The following MYO7B variants were observed in gnomAD, a reference collection of about 807,000 sequenced individuals.
MYO7B encodes myosin VIIB.
MYO7B carries 212 observed loss-of-function variants against 259.7 expected under a neutral mutation model. That is an observed-to-expected ratio of 0.82 (90% CI 0.73 to 0.91). MYO7B has a LOEUF of 0.91. Ranked by LOEUF, MYO7B falls within the 40% of genes least tolerant of loss-of-function variation. The pLI, the probability that MYO7B is intolerant of heterozygous loss-of-function variation, is 0.00. For synonymous variants in MYO7B, 1,197 were observed against 1,166.4 expected (o/e 1.03, Z -0.54); for missense variants, 2,732 against 2,813.5 (o/e 0.97, Z 0.66).
At chr2:127,564,467 T>A (rs1678246649) in intron 3 of MYO7B, among the ~76,000 whole-genome samples, 1 of 147,974 alleles carries the variant, frequency 6.8e-6, no homozygotes, top group East Asian at 2.0e-4. Flanking sequence ...AAGAAGGAAG[T>A]GGGAAGTGGG....
intron 19 of MYO7B, among the ~76,000 whole-genome samples, chr2:127,605,118 T>G (rs989981585): frequency 3.9e-5 from 6 of 152,258 alleles, no homozygotes; most frequent in Non-Finnish European, 8.8e-5. Flanking sequence ...CTATATGCAC[T>G]GAGCTTGCCT....
intron 9 of MYO7B, among the ~76,000 whole-genome samples, chr2:127,578,578 A>G (rs1253622660): frequency 6.6e-6 from 1 of 152,286 alleles, no homozygotes; most frequent in Admixed American, 6.5e-5. Flanking sequence ...AAACAAATCC[A>G]CGTGTGAACT....
At chr2:127,556,974 T>C (rs1239378348) in intron 1 of MYO7B, among the ~76,000 whole-genome samples, 1 of 152,218 alleles carries the variant, frequency 6.6e-6, no homozygotes, top group Non-Finnish European at 1.5e-5. Context: ...CCCCAAAAAA[T>C]GTGTTCCAAA....
Position 127,637,377 on chromosome 2 carries a change from A to T in MYO7B, c.6389A>T (p.Lys2130Met). The change falls in exon 48 of 48, where the codon AAG becomes ATG. Residue 2130 changes from lysine to methionine, a missense_variant. Lys to Met is a moderately conservative substitution (Grantham distance 95, BLOSUM62 -1). Around this residue, in one of 3 missense-constraint regions of MYO7B, gnomAD observed 821 missense variants for 769.3 expected, o/e 1.07. Transcript: ENST00000409816. ...YVQQLLSAMNKQRGSKAPALA... is the reference protein window; with the variant it reads ...YVQQLLSAMNMQRGSKAPALA... ...CAGCAGCTCCTGAGTGCCATGAACA[A>T]GCAGCGGGGCTCCAAGGCCCCAGCC... 5 of 1,583,394 alleles carry T rather than the reference A, an allele frequency of 3.2e-6. No homozygotes were observed. The highest frequency in any genetic ancestry group is 3.4e-6 in the Non-Finnish European group (4 of 1,164,502).
At chr2:127,581,828 G>T in intron 10 of MYO7B, 63 bp from the exon 11 acceptor site, 1 of 1,604,652 alleles carries the variant, frequency 6.2e-7, no homozygotes, top group Non-Finnish European at 8.5e-7. Context: ...GGCAGAAGCA[G>T]GTCAGAGTGC....
chr2:127,611,072 C>T lies in MYO7B; in HGVS notation c.3192+1056C>T, dbSNP rs1036241707. Among the ~76,000 whole-genome samples, 3 of 152,242 alleles carry T rather than the reference C, an allele frequency of 2.0e-5. No individual in the cohort carries two copies. Among genetic ancestry groups the T allele is most frequent in the Admixed American group, 2.0e-4 (3 of 15,288 alleles). On this transcript the variant is annotated intron_variant, in intron 24 of 47. Transcript: ENST00000409816. The surrounding 1 kb of genome is among the most constrained non-coding windows in gnomAD (Gnocchi z 5.4). ...TCAAGCTGTCCCCTGGGGATGGTGTCATCTGAAAGCTTGACAGCTGGAGGG... is the reference window on the plus strand; with the variant it reads ...TCAAGCTGTCCCCTGGGGATGGTGTTATCTGAAAGCTTGACAGCTGGAGGG...
At chr2:127,569,735 G>A (rs1678506261) in intron 5 of MYO7B, 54 bp from the exon 6 acceptor site, 1 of 1,570,610 alleles carries the variant, frequency 6.4e-7, no homozygotes, top group Non-Finnish European at 8.7e-7. Flanking sequence ...GTTGAGAGGT[G>A]TTGAAAAAAA....
Position 127,582,291 on chromosome 2 carries a change from C to A in MYO7B, c.1201-13C>A. ...TCCAAGCCCAGGATTCTCCCACCCC[C>A]GTGTCTCTCCAGGGCATCTATGGGC... is the stretch of plus-strand genomic sequence containing the variant. On this transcript the variant is annotated splice_polypyrimidine_tract_variant and intron_variant, in intron 11 of 47. Transcript: ENST00000409816. The A allele has an allele frequency of 6.2e-7, 1 of 1,612,040 alleles. No individual in the cohort carries two copies. Among genetic ancestry groups the A allele is most frequent in the South Asian group, 1.1e-5 (1 of 90,432 alleles).
At chr2:127,604,447 T>C (rs1680087222) in intron 19 of MYO7B, among the ~76,000 whole-genome samples, 1 of 152,238 alleles carries the variant, frequency 6.6e-6, no homozygotes. Flanking sequence ...ACGAAAACTG[T>C]CTCCATATCA....
chr2:127,592,949 C>G lies in MYO7B; in HGVS notation c.2145+3C>G. 1 of 1,581,522 alleles carries G rather than the reference C, an allele frequency of 6.3e-7. No individual in the cohort carries two copies. Among genetic ancestry groups the G allele is most frequent in the Non-Finnish European group, 8.6e-7 (1 of 1,164,750 alleles). ...TGCCCAACGCCATGCGGATGCAGGT[C>G]AGCGCCCCTCGGGGACGGTCACCTC... On this transcript the variant is annotated splice_donor_region_variant and intron_variant, in intron 17 of 47. Transcript: ENST00000409816.
At chr2:127,623,015 G>A (rs1203798893) in intron 28 of MYO7B, among the ~76,000 whole-genome samples, 187 bp from the exon 29 acceptor site, 1 of 152,214 alleles carries the variant, frequency 6.6e-6, no homozygotes, top group African/African-American at 2.4e-5. Context: ...GCAAACACCT[G>A]TTGGCCTGAA....
chr2:127,536,651 A>T (rs1692792754), intron 1 of MYO7B, among the ~76,000 whole-genome samples: 1 of 152,132 alleles, frequency 6.6e-6, no homozygotes. Flanking sequence ...GGGGCCCCCA[A>T]CCCAGATCCC....
intron 26 of MYO7B, among the ~76,000 whole-genome samples, chr2:127,616,708 G>T (rs915359022): frequency 6.6e-6 from 1 of 152,256 alleles, no homozygotes; most frequent in Non-Finnish European, 1.5e-5. Flanking sequence ...TTCCTGGAGA[G>T]AGGGAATTAA....
At chr2:127,551,522 A>C (rs1355739986) in intron 1 of MYO7B, among the ~76,000 whole-genome samples, 1 of 152,212 alleles carries the variant, frequency 6.6e-6, no homozygotes, top group Non-Finnish European at 1.5e-5. Context: ...ACCTTATTCT[A>C]TTTGGCAAAA....
chr2:127,579,986 T>G (rs908348584), intron 9 of MYO7B, among the ~76,000 whole-genome samples: 40 of 152,086 alleles, frequency 2.6e-4, no homozygotes, highest in African/African-American at 8.5e-4. Flanking sequence ...GGTGCTTACC[T>G]CCGGAGGAGA....
intron 7 of MYO7B, among the ~76,000 whole-genome samples, chr2:127,574,767 C>T (rs1678795688): frequency 6.6e-6 from 1 of 152,156 alleles, no homozygotes; most frequent in Admixed American, 6.5e-5. Flanking sequence ...TCACACCAGG[C>T]CCTGTGCTCA....
intron 1 of MYO7B, among the ~76,000 whole-genome samples, chr2:127,541,085 G>T (rs926770289): frequency 2.0e-5 from 3 of 152,130 alleles, no homozygotes; most frequent in Admixed American, 6.5e-5. Flanking sequence ...CACAGTGAAG[G>T]CAGCATCTGC....
At chr2:127,610,157 C>A in intron 24 of MYO7B, 141 bp downstream of exon 24, 1 of 1,169,378 alleles carries the variant, frequency 8.6e-7, no homozygotes, top group Non-Finnish European at 1.2e-6. Flanking sequence ...ACCCAGCCCC[C>A]AGGCCATGGT....
At position 127,590,421 on chromosome 2, in the gene MYO7B, G is replaced by A. The variant is rs571218868; in HGVS notation, c.1992+192G>A. ...GAAGGTCAGTGACCTGCAGAGCTTT[G>A]GGTTGCTGAGACCTCAGTTCCCTTA... On this transcript the variant is annotated intron_variant, in intron 16 of 47. Transcript: ENST00000409816. This position sits in a 1 kb window ranked among gnomAD's most constrained non-coding sequence, Gnocchi z 4.6. Among the ~76,000 whole-genome samples the A allele has an allele frequency of 2.5e-4, 38 of 152,220 alleles. No individual in the cohort carries two copies. The highest frequency in any genetic ancestry group is 3.8e-4 in the Non-Finnish European group (26 of 68,040).
Sources: allele counts gnomAD v4.1 joint callset (sites outside exome capture counted in the v4.1 genomes callset), GRCh38; gene constraint gnomAD v4.1.1; regional missense constraint gnomAD v4.1.1; non-coding constraint Gnocchi (gnomAD v3.1); transcripts MANE v1.5; gene names NCBI Gene and HGNC (gene_info 2026-07-23, HGNC 2026-07-21).